PALM2AKAP2: variants seen among roughly 807,000 people sequenced by gnomAD.
PALM2AKAP2 encodes the protein PALM2 and AKAP2 fusion, also known as PALM2-AKAP2 fusion protein.
A neutral mutation model predicts 71.5 loss-of-function variants in PALM2AKAP2; 37 were observed. The observed-to-expected ratio is 0.52, with a 90% confidence interval of 0.40 to 0.68. PALM2AKAP2 has a LOEUF of 0.68. Ranked by LOEUF, PALM2AKAP2 falls within the 30% of genes least tolerant of loss-of-function variation. The pLI is 0.00. For missense variants in PALM2AKAP2, 1,224 were observed against 1,191.8 expected (o/e 1.03, Z -0.40); for synonymous variants, 468 against 478.8 (o/e 0.98, Z 0.29).
chr9:109,812,781 G>C (rs1280442479), intron 1 of PALM2AKAP2, among the ~76,000 whole-genome samples: 1 of 152,160 alleles, frequency 6.6e-6, no homozygotes, highest in African/African-American at 2.4e-5. Context: ...GACTGTACCA[G>C]GCCATTAGTC....
intron 3 of PALM2AKAP2, among the ~76,000 whole-genome samples, chr9:109,902,981 T>G (rs886706856): frequency 6.6e-6 from 1 of 152,080 alleles, no homozygotes; most frequent in African/African-American, 2.4e-5. Flanking sequence ...CTGGCATTGC[T>G]GAGATGACAG....
chr9:109,764,264 AC>A (rs1829108895), intron 1 of PALM2AKAP2, among the ~76,000 whole-genome samples: 1 of 151,868 alleles, frequency 6.6e-6, no homozygotes, highest in Non-Finnish European at 1.5e-5. Context: ...GCTGAACTAG[AC>A]CCAACCTGGA....
chr9:109,972,424 T>TGGAAGC (rs879557400), intron 6 of PALM2AKAP2, among the ~76,000 whole-genome samples: 15 of 152,352 alleles, frequency 9.8e-5, no homozygotes, highest in Non-Finnish European at 1.9e-4. Context: ...TGACTCAGTC[T>TGGAAGC]GGAAGCAGAA....
At chr9:109,845,336 G>A (rs376434704) in intron 1 of PALM2AKAP2, among the ~76,000 whole-genome samples, 36 of 152,330 alleles carry the variant, frequency 2.4e-4, no homozygotes, top group African/African-American at 8.4e-4. Context: ...GTTTAAGAGA[G>A]AGCAGTCACT....
chr9:109,643,963 G>C (rs1173141011), intron 1 of PALM2AKAP2, among the ~76,000 whole-genome samples: 1 of 151,794 alleles, frequency 6.6e-6, no homozygotes, highest in African/African-American at 2.4e-5. Context: ...AGGCTGGCAA[G>C]TTGTATGGTG....
chr9:109,886,485 C>T (rs1829970212), intron 3 of PALM2AKAP2, among the ~76,000 whole-genome samples: 1 of 152,198 alleles, frequency 6.6e-6, no homozygotes, highest in Admixed American at 6.5e-5. Flanking sequence ...GAAAATTTAT[C>T]TCCCAACCTT....
chr9:109,782,980 A>G (rs1243359326), intron 1 of PALM2AKAP2, among the ~76,000 whole-genome samples: 3 of 151,514 alleles, frequency 2.0e-5, no homozygotes, highest in East Asian at 1.9e-4. Context: ...AGAACCTAGC[A>G]CTCCTGAAGT....
rs79733635 is a variant in PALM2AKAP2 at position 109,831,023 on chromosome 9, G to C, written c.46-36468G>C. On this transcript the variant is annotated intron_variant, in intron 1 of 9. Transcript: ENST00000302798. ...TGGATTATAAGTTTTTGAGTCCCCA[G>C]ATCTTTGGGGAGAAAACCCAATTCT... is the stretch of plus-strand genomic sequence containing the variant. Among the ~76,000 whole-genome samples, 1,624 of 152,120 alleles carry C rather than the reference G, an allele frequency of 0.011. 66 individuals are homozygous for C. The East Asian group carries it at 0.14, about 13-fold the overall frequency.
At chr9:109,833,981 G>T (rs1040024602) in intron 1 of PALM2AKAP2, among the ~76,000 whole-genome samples, 2 of 152,194 alleles carry the variant, frequency 1.3e-5, no homozygotes, top group Non-Finnish European at 2.9e-5. Context: ...GGGAGGCCAA[G>T]GCGGGCAGAT....
chr9:109,687,575 T>C (rs2118535584), intron 1 of PALM2AKAP2, among the ~76,000 whole-genome samples: 1 of 152,356 alleles, frequency 6.6e-6, no homozygotes, highest in Non-Finnish European at 1.5e-5. Flanking sequence ...TTGAAGACAG[T>C]TAGAGCCTTG....
chr9:109,996,152 A>G (rs1478034340), intron 6 of PALM2AKAP2, among the ~76,000 whole-genome samples: 1 of 152,230 alleles, frequency 6.6e-6, no homozygotes, highest in East Asian at 1.9e-4. Flanking sequence ...TAGATCCAAG[A>G]CAGTGACTCT....
chr9:110,109,318 C>CAAAAAAAAAA (rs542467637), intron 1 of PALM2AKAP2, among the ~76,000 whole-genome samples: 2 of 79,640 alleles, frequency 2.5e-5, no homozygotes, highest in Non-Finnish European at 4.7e-5. Flanking sequence ...TCTTTGTCTC[C>CAAAAAAAAAA]AAAAAAAAAA....
At position 110,070,791 on chromosome 9, in the gene PALM2AKAP2, G is replaced by A. The variant is rs13293331; in HGVS notation, c.156+21936G>A. Among the ~76,000 whole-genome samples, 1,186 of 152,236 alleles carry A rather than the reference G, an allele frequency of 7.8e-3. 10 individuals carry two copies. Among genetic ancestry groups the A allele is most frequent in the Admixed American group, 0.011 (168 of 15,284 alleles). ...ACTTTTGATGTCTTCATGACCTTTG[G>A]CGTGCTACTCTTCCTCTTTGCATTT... On this transcript the variant is annotated intron_variant, in intron 1 of 3. Coordinates refer to ENST00000374525, the Ensembl canonical transcript of PALM2AKAP2.
chr9:109,816,861 A>T (rs1179475169), intron 1 of PALM2AKAP2, among the ~76,000 whole-genome samples: 1 of 152,130 alleles, frequency 6.6e-6, no homozygotes, highest in Non-Finnish European at 1.5e-5. Context: ...TGCCAAACCC[A>T]CTTCCTGATC....
Position 109,653,329 on chromosome 9 carries a change from C to G in PALM2AKAP2, c.5+12463C>G, listed in dbSNP as rs1827251791. Among the ~76,000 whole-genome samples, 3 of 152,186 alleles carry G rather than the reference C, an allele frequency of 2.0e-5. No individual in the cohort carries two copies. In the South Asian group the frequency reaches 6.2e-4, roughly 31 times the overall value. On this transcript the variant is annotated intron_variant, in intron 1 of 6. Coordinates refer to the PALM2AKAP2 transcript ENST00000374531. ...AAGATTTGGTGGGCACTGCTAAACC[C>G]TTTGTAGATACTTGGTTTTAGTCAC...
At chr9:109,954,037 C>T (rs563787035) in intron 6 of PALM2AKAP2, among the ~76,000 whole-genome samples, 2 of 152,220 alleles carry the variant, frequency 1.3e-5, no homozygotes, top group Admixed American at 6.5e-5. Context: ...GCAGCGCTTC[C>T]TTACCAAAGG....
At chr9:110,062,031 A>G (rs181508278) in intron 1 of PALM2AKAP2, among the ~76,000 whole-genome samples, 5 of 152,108 alleles carry the variant, frequency 3.3e-5, no homozygotes, top group Admixed American at 1.3e-4. Context: ...GTCTCCTTTT[A>G]CTATGGTTGG....
At chr9:110,095,267 A>G (rs1834809287) in intron 1 of PALM2AKAP2, among the ~76,000 whole-genome samples, 1 of 152,224 alleles carries the variant, frequency 6.6e-6, no homozygotes. Flanking sequence ...TGTCTCTGAA[A>G]ACCATGTAAA....
chr9:109,913,755 CTTT>C (rs35024326), intron 3 of PALM2AKAP2, among the ~76,000 whole-genome samples: 31 of 102,918 alleles, frequency 3.0e-4, no homozygotes, highest in African/African-American at 4.3e-4. Flanking sequence ...ATGCTTATTT[CTTT>C]TTTTTTTTTT....
Sources: allele counts gnomAD v4.1 joint callset (sites outside exome capture counted in the v4.1 genomes callset), GRCh38; gene constraint gnomAD v4.1.1; transcripts MANE v1.5; gene names NCBI Gene and HGNC (gene_info 2026-07-23, HGNC 2026-07-21).